The following ZNF280D variants were observed in gnomAD, a reference collection of about 807,000 sequenced individuals.
ZNF280D encodes zinc finger protein 280D.
A neutral mutation model predicts 94.7 loss-of-function variants in ZNF280D; 39 were observed. The observed-to-expected ratio is 0.41, with a 90% CI of 0.32 to 0.54. The LOEUF is 0.54. Among genes scored for constraint, ZNF280D ranks in the 20% least tolerant of loss-of-function variants. The probability of loss-of-function intolerance (pLI) is 0.22; values close to 1 mark genes in which losing one functional copy is unlikely to be tolerated. For missense variants in ZNF280D, 1,090 were observed against 1,149.3 expected, an observed-to-expected ratio of 0.95 and a Z score of 0.75; for synonymous variants, 398 against 377.6, an observed-to-expected ratio of 1.05 and a Z score of -0.63.
chr15:56,648,693 G>A (rs576294575), intron 19 of ZNF280D, among the ~76,000 whole-genome samples: 6 of 152,144 alleles, frequency 3.9e-5, no homozygotes, highest in Non-Finnish European at 8.8e-5. Flanking sequence ...AAATATGTGA[G>A]AATTAAATGA....
intron 19 of ZNF280D, among the ~76,000 whole-genome samples, chr15:56,647,902 C>G (rs1048936768): frequency 1.3e-5 from 2 of 152,098 alleles, no homozygotes; most frequent in Non-Finnish European, 2.9e-5. Context: ...TTTTAATACA[C>G]TTTGTTATTT....
intron 9 of ZNF280D, among the ~76,000 whole-genome samples, chr15:56,683,735 C>G (rs1187998668): frequency 1.3e-5 from 2 of 152,152 alleles, no homozygotes; most frequent in Admixed American, 6.5e-5. Context: ...GAACATCCAA[C>G]ATCAGTCAAC....
chr15:56,647,600 C>T (rs1161677861), intron 19 of ZNF280D, among the ~76,000 whole-genome samples: 2 of 152,248 alleles, frequency 1.3e-5, no homozygotes, highest in East Asian at 1.9e-4. Flanking sequence ...GGTATGATCA[C>T]GGCTCACTGT....
chr15:56,673,188 A>G (rs1195092159), intron 13 of ZNF280D, among the ~76,000 whole-genome samples: 1 of 151,916 alleles, frequency 6.6e-6, no homozygotes, highest in Non-Finnish European at 1.5e-5. Context: ...CCTACGTAAC[A>G]TTACTGCTTG....
At chr15:56,708,662 AT>A (rs2057563620) in intron 1 of ZNF280D, among the ~76,000 whole-genome samples, 1 of 152,232 alleles carries the variant, frequency 6.6e-6, no homozygotes, top group African/African-American at 2.4e-5. Flanking sequence ...AAACAGAGAT[AT>A]AGGCCAATGG....
intron 13 of ZNF280D, among the ~76,000 whole-genome samples, chr15:56,669,265 T>C (rs750665495): frequency 6.6e-6 from 1 of 152,056 alleles, no homozygotes; most frequent in Non-Finnish European, 1.5e-5. Flanking sequence ...AACACATACT[T>C]TGAAAATGAG....
intron 1 of ZNF280D, chr15:56,725,116 A>G (rs2058567574): frequency 3.9e-6 from 1 of 256,224 alleles, no homozygotes; most frequent in South Asian, 4.6e-5. Context: ...GCCAAAGGTA[A>G]CCCACAAAAT....
At chr15:56,658,178 C>T (rs28830569) in intron 17 of ZNF280D, among the ~76,000 whole-genome samples, 26,667 of 152,002 alleles carry the variant, frequency 0.18, 2,384 homozygotes, top group Admixed American at 0.2. Flanking sequence ...AGTTGTTGTT[C>T]AGGGATGGGA....
chr15:56,690,390 T>A (rs2056356290), intron 7 of ZNF280D, among the ~76,000 whole-genome samples: 1 of 151,658 alleles, frequency 6.6e-6, no homozygotes, highest in South Asian at 2.1e-4. Flanking sequence ...TCAAAAAAAA[T>A]AAAAAAACAA....
At chr15:56,704,800 G>A (rs1003789465) in intron 3 of ZNF280D, among the ~76,000 whole-genome samples, 4 of 151,988 alleles carry the variant, frequency 2.6e-5, no homozygotes, top group African/African-American at 9.7e-5. Flanking sequence ...GGCCAACATG[G>A]TGAAACCCCA....
chr15:56,733,361 C>T (rs1341638543), intron 1 of ZNF280D, 97 bp downstream of exon 1: 1 of 735,874 alleles, frequency 1.4e-6, no homozygotes, highest in Non-Finnish European at 1.7e-6. Context: ...GCCTCAAGAC[C>T]CCCAGTCCAG....
At chr15:56,695,917 C>T (rs1334543271) in intron 6 of ZNF280D, among the ~76,000 whole-genome samples, 4 of 152,144 alleles carry the variant, frequency 2.6e-5, no homozygotes, top group African/African-American at 9.7e-5. Flanking sequence ...GGTCCTGATA[C>T]ACTCTTCTCA....
rs372723359 is a variant in ZNF280D at position 56,673,521 on chromosome 15, A to G, written c.1410+3149T>C. Among the ~76,000 whole-genome samples the G allele has an allele frequency of 5.4e-4, 82 of 152,116 alleles. No homozygotes were observed. In the East Asian group the frequency reaches 8.5e-3, roughly 16 times the overall value. On this transcript the variant is annotated intron_variant, in intron 13 of 21. Transcript: ENST00000267807. Reference sequence around the variant, plus strand: ...ACCTGGACTACTATAAAAACTTTCTATCTTCTCCCCCTAATATCCTTTCTT... The same window carrying G: ...ACCTGGACTACTATAAAAACTTTCTGTCTTCTCCCCCTAATATCCTTTCTT...
At chr15:56,704,984 TA>T (rs112852553) in intron 3 of ZNF280D, among the ~76,000 whole-genome samples, 8,784 of 146,460 alleles carry the variant, frequency 0.06, 328 homozygotes, top group Middle Eastern at 0.13. Flanking sequence ...AGTATGTCTT[TA>T]AAAAAAAAAA....
At chr15:56,635,071 A>G (rs2052282218) in intron 21 of ZNF280D, 124 bp downstream of exon 21, 1 of 447,052 alleles carries the variant, frequency 2.2e-6, no homozygotes, top group South Asian at 3.9e-5. Context: ...AAGAGCCATT[A>G]CAGAAAATAG....
Position 56,631,739 on chromosome 15 carries a change from C to A in ZNF280D, c.2699G>T (p.Arg900Ile), listed in dbSNP as rs776561853. The A allele has an allele frequency of 3.1e-6, 5 of 1,614,138 alleles. No individual in the cohort carries two copies. Among genetic ancestry groups the A allele is most frequent in the Non-Finnish European group, 3.4e-6 (4 of 1,179,994 alleles). ...NVSIDQFLRK[R>I]HEPESVSSDV... is the part of the protein sequence containing the mutation. ...AGAACTAACAGATTCAGGTTCATGT[C>A]TTTTTCTCAAAAACTGATCAATGCT... The change falls in exon 22 of 22, where the codon AGA (arginine) becomes ATA (isoleucine). Residue 900 changes from arginine to isoleucine, a missense_variant. Around this residue, in one of 3 missense-constraint regions of ZNF280D, gnomAD observed 577 missense variants for 568.8 expected, o/e 1.01. Coordinates refer to ENST00000267807, the MANE Select transcript of ZNF280D (RefSeq NM_017661.4).
At chr15:56,690,454 G>A (rs1224984809) in intron 7 of ZNF280D, among the ~76,000 whole-genome samples, 4 of 152,168 alleles carry the variant, frequency 2.6e-5, no homozygotes, top group African/African-American at 7.2e-5. Flanking sequence ...AATGGAAGTA[G>A]TAAGTATAAT....
chr15:56,710,442 A>C lies in ZNF280D; in HGVS notation c.-85-3136T>G, dbSNP rs562405781. 2.6e-5 allele frequency among the ~76,000 whole-genome samples: 4 copies of C among 152,166 alleles called. No homozygotes were observed. In the East Asian group the frequency reaches 7.7e-4, roughly 29 times the overall value. The stretch of plus-strand genomic sequence containing the variant: ...TAAAATAAAATAGCCAGGAAAAAAA[A>C]AAAAGAGGACTCTCAACTTCAACTA... On this transcript the variant is annotated intron_variant, in intron 1 of 21. Transcript: ENST00000267807.
At chr15:56,727,743 G>T (rs1187930682) in intron 1 of ZNF280D, among the ~76,000 whole-genome samples, 1 of 152,276 alleles carries the variant, frequency 6.6e-6, no homozygotes, top group South Asian at 2.1e-4. Context: ...TTAACACAAA[G>T]ATAGACAGCA....
Sources: gnomAD v4.1 joint callset for allele counts (sites outside exome capture counted in the v4.1 genomes callset) on GRCh38, gnomAD v4.1.1 for gene constraint, gnomAD v4.1.1 regional missense constraint, MANE v1.5 for transcripts, NCBI Gene and HGNC (gene_info 2026-07-23, HGNC 2026-07-21) for gene names.